Variants in MIOS observed in about 807,000 individuals in gnomAD.
MIOS encodes the protein GATOR2 complex protein MIOS.
In MIOS, 52 loss-of-function variants were observed where a neutral mutation model predicts 96.9. That is an observed-to-expected ratio of 0.54 (90% confidence interval 0.43 to 0.68). MIOS has a LOEUF of 0.68. Ranked by LOEUF, MIOS falls within the 30% of genes least tolerant of loss-of-function variation. The probability of loss-of-function intolerance (pLI) is 0.00; values close to 1 mark genes in which losing one functional copy is unlikely to be tolerated. For missense variants in MIOS, 1,005 were observed against 1,052.8 expected, an observed-to-expected ratio of 0.95 and a Z score of 0.63; for synonymous variants, 397 against 359.5, an observed-to-expected ratio of 1.10 and a Z score of -1.18.
chr7:7,580,182 A>T (rs1280848312), intron 5 of MIOS, among the ~76,000 whole-genome samples: 2 of 152,218 alleles, frequency 1.3e-5, no homozygotes, highest in Non-Finnish European at 2.9e-5. Flanking sequence ...GACAATTTAA[A>T]TTTGTTATTC....
chr7:7,573,382 A>C lies in MIOS; in HGVS notation c.907A>C (p.Thr303Pro). ...ATTGTATGATATGCAGCATACACCC[A>C]CTCCCATTGGGGATGAAACTGAACC... ...IRLYDMQHTP[T>P]PIGDETEPTI... Residue 303 changes from threonine to proline, a missense_variant, in exon 4 of 13, where the codon ACT becomes CCT. Transcript: ENST00000340080. The surrounding 1 kb of genome is among the most constrained non-coding windows in gnomAD (Gnocchi z 5.0). The C allele has an allele frequency of 1.9e-6, 3 of 1,614,042 alleles. No individual in the cohort carries two copies. Among genetic ancestry groups the C allele is most frequent in the Non-Finnish European group, 1.7e-6 (2 of 1,179,940 alleles).
Position 7,595,085 on chromosome 7 carries a change from G to C in MIOS, c.2149G>C (p.Asp717His). 4.3e-6 allele frequency: 7 copies of C among 1,614,042 alleles called. No individual in the cohort carries two copies. The highest frequency in any genetic ancestry group is 5.9e-6 in the Non-Finnish European group (7 of 1,179,962). Residue 717 changes from aspartate to histidine, a missense_variant, in exon 10 of 13, where the codon GAT becomes CAT. Physicochemically the swap from Asp to His is moderately conservative, Grantham distance 81. Coordinates refer to ENST00000340080, the MANE Select transcript of MIOS (RefSeq NM_019005.4). ...WRFWHKRAEF[D>H]IHRSKLDPSS... ...GTTTTGGCATAAACGAGCTGAATTT[G>C]ATATTCACAGGAGTAAGTTGGATCC...
chr7:7,601,455 T>C (rs1379761906), intron 11 of MIOS, among the ~76,000 whole-genome samples: 7 of 151,896 alleles, frequency 4.6e-5, no homozygotes, highest in Non-Finnish European at 8.8e-5. Context: ...TCTATGCAAA[T>C]AAACTAGAAA....
In MIOS at chr7:7,585,039, C is replaced by G. The variant is rs185595894; in HGVS notation, c.1649-597C>G. ...TTACTTTCTGCACTTTGCATTGACA[C>G]TTATATACATAAGTGTCTGCATTAT... On this transcript the variant is annotated intron_variant, in intron 6 of 12. Coordinates refer to ENST00000340080, the MANE Select transcript of MIOS (RefSeq NM_019005.4). 3.8e-4 allele frequency among the ~76,000 whole-genome samples: 58 copies of G among 152,136 alleles called. No homozygotes were observed. The East Asian group carries it at 0.011, about 28-fold the overall frequency.
chr7:7,593,901 AGAAAAG>A (rs543851566), intron 9 of MIOS, among the ~76,000 whole-genome samples: 3,556 of 145,074 alleles, frequency 0.025, 181 homozygotes, highest in African/African-American at 0.085. Flanking sequence ...AAAAAGAAAA[AGAAAAG>A]AAAAAAAGAA....
intron 12 of MIOS, among the ~76,000 whole-genome samples, chr7:7,606,610 C>T (rs533952858): frequency 6.6e-6 from 1 of 152,180 alleles, no homozygotes; most frequent in East Asian, 1.9e-4. Flanking sequence ...CTGTCACCTT[C>T]ACAACTATAA....
chr7:7,571,708 C>A (rs1354562017), intron 3 of MIOS, among the ~76,000 whole-genome samples: 1 of 152,166 alleles, frequency 6.6e-6, no homozygotes, highest in Admixed American at 6.5e-5. Flanking sequence ...AATGACTTTT[C>A]TGAGGCATAT....
In MIOS at chr7:7,573,389, T is replaced by C; in HGVS notation, c.914T>C (p.Ile305Thr). 6.2e-7 allele frequency: 1 copy of C among 1,614,086 alleles called. No homozygotes were observed. Among genetic ancestry groups the C allele is most frequent in the Non-Finnish European group, 8.5e-7 (1 of 1,179,950 alleles). ...LYDMQHTPTP[I>T]GDETEPTIIE... ...GATATGCAGCATACACCCACTCCCA[T>C]TGGGGATGAAACTGAACCCACAATA... The change falls in exon 4 of 13, where the codon ATT becomes ACT. Residue 305 changes from isoleucine to threonine, a missense_variant. This residue lies in a region of MIOS where 865 missense variants were observed against 887.9 expected (regional missense o/e 0.97). Coordinates refer to ENST00000340080, the MANE Select transcript of MIOS (RefSeq NM_019005.4). This position sits in a 1 kb window ranked among gnomAD's most constrained non-coding sequence, Gnocchi z 5.0.
chr7:7,579,961 A>C (rs1454992532), intron 5 of MIOS, among the ~76,000 whole-genome samples: 1 of 152,216 alleles, frequency 6.6e-6, no homozygotes, highest in Non-Finnish European at 1.5e-5. Flanking sequence ...GATTTCTATA[A>C]AATAAAAACT....
intron 11 of MIOS, chr7:7,605,027 A>T (rs1784486970): frequency 6.6e-6 from 1 of 152,198 alleles, no homozygotes; most frequent in Non-Finnish European, 1.5e-5. Context: ...ACCTCATATC[A>T]TTAGCAAAAA....
chr7:7,570,915 G>A (rs1158839972), intron 3 of MIOS, among the ~76,000 whole-genome samples: 1 of 152,230 alleles, frequency 6.6e-6, no homozygotes, highest in African/African-American at 2.4e-5. Flanking sequence ...GGCCCTGGGA[G>A]TTGGGGACCC....
chr7:7,607,254 T>TA lies in MIOS; in HGVS notation c.*163dup, dbSNP rs1563051964. On this transcript the variant is annotated 3_prime_UTR_variant, in exon 13 of 13. Coordinates refer to ENST00000340080, the MANE Select transcript of MIOS (RefSeq NM_019005.4). ...AGTTTTGATGTTTGAGTGATTTTGATATGCTTCACAGAGACAAATGCTGCC... is the reference window on the plus strand; with the variant it reads ...AGTTTTGATGTTTGAGTGATTTTGATAATGCTTCACAGAGACAAATGCTGCC... 3 of 551,470 alleles carry TA rather than the reference T, an allele frequency of 5.4e-6. No individual in the cohort carries two copies. Among genetic ancestry groups the TA allele is most frequent in the Non-Finnish European group, 9.4e-6 (3 of 318,740 alleles). 34.2% of individuals were successfully genotyped at this position (551,470 alleles called of 1,614,324 possible). A position where few individuals can be genotyped will look rare whatever the true frequency, so the allele number is the denominator to read the frequency against.
intron 5 of MIOS, 53 bp downstream of exon 5, chr7:7,574,249 T>C: frequency 1.5e-6 from 2 of 1,355,828 alleles, no homozygotes; most frequent in Non-Finnish European, 2.0e-6. Flanking sequence ...TTTGTACTTT[T>C]ATTTTGCCCC....
In MIOS at chr7:7,577,034, T is replaced by C. The variant is rs149780971; in HGVS notation, c.1393+2838T>C. ...TTAGGTAGAGACGTCCATTGGGCAATAGGATATCAGTTCAAAGCCCAGGGG... is the reference window on the plus strand; with the variant it reads ...TTAGGTAGAGACGTCCATTGGGCAACAGGATATCAGTTCAAAGCCCAGGGG... On this transcript the variant is annotated intron_variant, in intron 5 of 12. Coordinates refer to ENST00000340080, the MANE Select transcript of MIOS (RefSeq NM_019005.4). Among the ~76,000 whole-genome samples, 1,349 of 152,232 alleles carry C rather than the reference T, an allele frequency of 8.9e-3. 12 individuals are homozygous for C. The highest frequency in any genetic ancestry group is 0.042 in the South Asian group (203 of 4,826).
At chr7:7,590,291 G>C (rs1353130490) in intron 9 of MIOS, among the ~76,000 whole-genome samples, 2 of 152,100 alleles carry the variant, frequency 1.3e-5, no homozygotes, top group Non-Finnish European at 2.9e-5. Flanking sequence ...CTAGCCCACA[G>C]ACCACAAAGT....
At chr7:7,585,211 T>C (rs1049658829) in intron 6 of MIOS, among the ~76,000 whole-genome samples, 10 of 152,154 alleles carry the variant, frequency 6.6e-5, no homozygotes, top group African/African-American at 2.4e-4. Context: ...CTTTTCTTCA[T>C]TTAGTAAGCA....
intron 5 of MIOS, among the ~76,000 whole-genome samples, chr7:7,578,361 A>G (rs1325728095): frequency 2.6e-5 from 4 of 152,174 alleles, no homozygotes; most frequent in Non-Finnish European, 5.9e-5. Context: ...GCTTTAATCC[A>G]TCATGAAAAT....
intron 5 of MIOS, among the ~76,000 whole-genome samples, chr7:7,580,192 C>T (rs557711679): frequency 1.1e-4 from 16 of 152,256 alleles, no homozygotes; most frequent in Admixed American, 2.6e-4. Context: ...ATTTGTTATT[C>T]AGAATGAATG....
At chr7:7,570,079 A>C (rs1783300220) in intron 3 of MIOS, among the ~76,000 whole-genome samples, 1 of 152,234 alleles carries the variant, frequency 6.6e-6, no homozygotes, top group Non-Finnish European at 1.5e-5. Context: ...TTACTCTGGT[A>C]TTCTATAAAG....
Sources: gnomAD v4.1 joint callset for allele counts (sites outside exome capture counted in the v4.1 genomes callset) on GRCh38, gnomAD v4.1.1 for gene constraint, gnomAD v4.1.1 regional missense constraint, Gnocchi (gnomAD v3.1) non-coding constraint, MANE v1.5 for transcripts, NCBI Gene and HGNC (gene_info 2026-07-23, HGNC 2026-07-21) for gene names.